The following ZNF236 variants were observed in gnomAD, a reference collection of about 807,000 sequenced individuals.
The protein encoded by ZNF236 is regulated by glucose.
A neutral mutation model predicts 191.2 loss-of-function variants in ZNF236; 50 were observed. The ratio of observed to expected loss-of-function variants is 0.26; its 90% confidence interval spans 0.21 to 0.33. The LOEUF is 0.33. ZNF236 is among the 10% of genes least tolerant of loss of function. The pLI, the probability that ZNF236 is intolerant of heterozygous loss-of-function variation, is 1.00. For synonymous variants in ZNF236, 907 were observed against 928.8 expected (o/e 0.98, Z 0.43); for missense variants, 1,754 against 2,374.5 (o/e 0.74, Z 5.43).
chr18:76,864,000 G>A (rs1599343694), intron 3 of ZNF236, among the ~76,000 whole-genome samples: 1 of 152,210 alleles, frequency 6.6e-6, no homozygotes, highest in Admixed American at 6.5e-5. Context: ...TCCATGATGT[G>A]GGTGAGCCTC....
chr18:76,888,060 A>G (rs1338085783), intron 9 of ZNF236: 3 of 84,276 alleles, frequency 3.6e-5, no homozygotes, highest in Admixed American at 2.9e-4. Flanking sequence ...AGTGTTCAGA[A>G]AAAAAAAAAA....
rs1967738123 is a variant in ZNF236, at chr18:76,927,527, A to G, written c.4414+10A>G. ...ACCACTAACAGCAGTGGTAAGAGCC[A>G]CTCACTTTTGCTTATTTTGACAGCT... On this transcript the variant is annotated intron_variant, in intron 24 of 30. Transcript: ENST00000320610. This position sits in a 1 kb window ranked among gnomAD's most constrained non-coding sequence, Gnocchi z 5.4. 1.9e-6 allele frequency: 3 copies of G among 1,601,086 alleles called. No homozygotes were observed. The highest frequency in any genetic ancestry group is 2.2e-5 in the South Asian group (2 of 89,438).
chr18:76,956,701 G>T (rs550752108), intron 28 of ZNF236, among the ~76,000 whole-genome samples: 1 of 152,348 alleles, frequency 6.6e-6, no homozygotes, highest in Admixed American at 6.5e-5. Flanking sequence ...CTGAGTGCCC[G>T]CATGTGGGAA....
At position 76,851,951 on chromosome 18, in the gene ZNF236, C is replaced by A; in HGVS notation, c.363+12C>A. On this transcript the variant is annotated intron_variant, in intron 3 of 30. Coordinates refer to ENST00000320610, the MANE Select transcript of ZNF236 (RefSeq NM_001306089.2). ...ATGAAAAGGAAGAGGTAATCATCAT[C>A]ATTTTGCATATACTTTGTTAACTGA... The A allele has an allele frequency of 6.2e-7, 1 of 1,600,520 alleles. No individual in the cohort carries two copies.
In ZNF236 at chr18:76,910,678, C is replaced by T. The variant is rs199817061; in HGVS notation, c.2672C>T (p.Thr891Met). 867 of 1,614,074 alleles carry T rather than the reference C, an allele frequency of 5.4e-4. 4 individuals carry two copies. The highest frequency in any genetic ancestry group is 4.3e-4 in the Non-Finnish European group (503 of 1,179,988). Residue 891 changes from threonine (T) to methionine (M), a missense_variant, in exon 16 of 31, where the codon ACG (threonine) becomes ATG (methionine). By Grantham distance (81) the Thr-to-Met change is moderately conservative. Coordinates refer to ENST00000320610, the MANE Select transcript of ZNF236 (RefSeq NM_001306089.2). Reference sequence around the variant, plus strand: ...ATTTTAGGTTTTACAGTGACTGATACGTACCATCAGCAGCCTCAGTTTCCA... The same window carrying T: ...ATTTTAGGTTTTACAGTGACTGATATGTACCATCAGCAGCCTCAGTTTCCA... ...GLPQGFTVTD[T>M]YHQQPQFPPV...
At chr18:76,948,705 C>T (rs1000843098) in intron 27 of ZNF236, among the ~76,000 whole-genome samples, 1 of 152,168 alleles carries the variant, frequency 6.6e-6, no homozygotes, top group African/African-American at 2.4e-5. Flanking sequence ...CAAGTGTCGC[C>T]CACTTGGGAA....
In ZNF236 at chr18:76,972,157, C is replaced by T. The variant is rs371622032; in HGVS notation, c.*3818C>T. ...CTACACGCACCACCCAATTTAATGT[C>T]GTATCTGTACTTGGGGCCTCTACAC... On this transcript the variant is annotated 3_prime_UTR_variant, in exon 31 of 31. Transcript: ENST00000320610. Among the ~76,000 whole-genome samples the T allele has an allele frequency of 7.3e-4, 111 of 152,308 alleles. No homozygotes were observed. The highest frequency in any genetic ancestry group is 5.0e-3 in the South Asian group (24 of 4,822).
intron 25 of ZNF236, 22 bp from the exon 26 acceptor site, chr18:76,937,134 A>G (rs1474905144): frequency 1.2e-6 from 2 of 1,607,326 alleles, no homozygotes; most frequent in African/African-American, 2.7e-5. Flanking sequence ...CCATTGATCT[A>G]CTTACTTTGC....
Position 76,925,344 on chromosome 18 carries a change from C to A in ZNF236, c.3817C>A (p.Gln1273Lys), listed in dbSNP as rs529587409. 1.2e-6 allele frequency: 2 copies of A among 1,614,194 alleles called. No homozygotes were observed. Among genetic ancestry groups the A allele is most frequent in the African/African-American group, 1.3e-5 (1 of 75,042 alleles). Residue 1273 changes from glutamine (Q) to lysine (K), a missense_variant, in exon 22 of 31, where the codon CAG becomes AAG. Physicochemically the swap from Gln to Lys is moderately conservative, Grantham distance 53. This residue lies in a region of ZNF236 where 606 missense variants were observed against 761.5 expected (regional missense o/e 0.80). Coordinates refer to ENST00000320610, the MANE Select transcript of ZNF236 (RefSeq NM_001306089.2). This position sits in a 1 kb window ranked among gnomAD's most constrained non-coding sequence, Gnocchi z 5.7. ...CTCGGGTAGAAGAAAGACACACATG[C>A]AGTTTCATTATAAACCAGACCCAAA... is the stretch of plus-strand genomic sequence containing the variant. ...RTSGRRKTHM[Q>K]FHYKPDPKKA...
rs567704623 is a variant in ZNF236, at chr18:76,824,427, A to C, written c.55+1765A>C. On this transcript the variant is annotated intron_variant, in intron 1 of 30. Coordinates refer to ENST00000320610, the MANE Select transcript of ZNF236 (RefSeq NM_001306089.2). ...CCCAGGTATGCAGATTTGTAGTTGG[A>C]TAACAGCAGTGCTCAGAATTTTGAT... 4.4e-5 allele frequency: 34 copies of C among 781,076 alleles called. 1 individual carries two copies. The highest frequency in any genetic ancestry group is 3.2e-4 in the African/African-American group (19 of 59,272). 48.4% of individuals were successfully genotyped at this position (781,076 alleles called of 1,614,324 possible).
chr18:76,893,748 A>T (rs955950378), intron 9 of ZNF236, among the ~76,000 whole-genome samples: 2 of 152,252 alleles, frequency 1.3e-5, no homozygotes, highest in African/African-American at 4.8e-5. Context: ...ACTGAGCTCA[A>T]GCTATCTGTC....
Position 76,879,210 on chromosome 18 carries a change from A to G in ZNF236, c.985-903A>G, listed in dbSNP as rs562578415. 2.0e-5 allele frequency among the ~76,000 whole-genome samples: 3 copies of G among 152,316 alleles called. No individual in the cohort carries two copies. The East Asian group carries it at 5.8e-4, about 29-fold the overall frequency. Reference sequence around the variant, plus strand: ...ATAGTCCAGATCATTTTAAACATTTATATTCTCAATAAAAAGAAATGTAAT... The same window carrying G: ...ATAGTCCAGATCATTTTAAACATTTGTATTCTCAATAAAAAGAAATGTAAT... On this transcript the variant is annotated intron_variant, in intron 7 of 30. Transcript: ENST00000320610.
intron 28 of ZNF236, among the ~76,000 whole-genome samples, chr18:76,957,841 C>G (rs575696161): frequency 6.6e-6 from 1 of 152,174 alleles, no homozygotes; most frequent in Non-Finnish European, 1.5e-5. Flanking sequence ...GGAAGACAAC[C>G]TAGACAATAC....
At chr18:76,908,927 A>G (rs1308291528) in intron 14 of ZNF236, among the ~76,000 whole-genome samples, 2 of 151,664 alleles carry the variant, frequency 1.3e-5, no homozygotes, top group African/African-American at 2.4e-5. Flanking sequence ...ATTTTTTTCC[A>G]TACAAATATG....
chr18:76,944,123 G>T (rs547072246), intron 26 of ZNF236, among the ~76,000 whole-genome samples: 1 of 152,162 alleles, frequency 6.6e-6, no homozygotes, highest in South Asian at 2.1e-4. Flanking sequence ...AGTTAATTCA[G>T]TAGTCATGGG....
Position 76,849,537 on chromosome 18 carries a change from A to G in ZNF236, c.67A>G (p.Thr23Ala), listed in dbSNP as rs1975795312. 1.2e-6 allele frequency: 2 copies of G among 1,608,524 alleles called. No homozygotes were observed. The highest frequency in any genetic ancestry group is 8.5e-7 in the Non-Finnish European group (1 of 1,178,410). ...ATGCAATTTTATAGATGGAGTTTTAACATTGAATGCGGAGAACACTAATTA... is the reference window on the plus strand; with the variant it reads ...ATGCAATTTTATAGATGGAGTTTTAGCATTGAATGCGGAGAACACTAATTA... ...KARGDSDGVLTLNAENTNYAY... is the reference protein window; with the variant it reads ...KARGDSDGVLALNAENTNYAY... The change falls in exon 2 of 31, where the codon ACA (threonine) becomes GCA (alanine). Residue 23 changes from threonine (T) to alanine (A), a missense_variant. Physicochemically the swap from Thr to Ala is moderately conservative, Grantham distance 58. Coordinates refer to ENST00000320610, the MANE Select transcript of ZNF236 (RefSeq NM_001306089.2).
intron 14 of ZNF236, 73 bp downstream of exon 14, chr18:76,908,646 C>T: frequency 6.6e-7 from 1 of 1,523,868 alleles, no homozygotes; most frequent in Non-Finnish European, 8.8e-7. Context: ...CATTGCAGTC[C>T]ATTGGTGTCT....
In ZNF236 at chr18:76,904,538, A is replaced by G. The variant is rs759980809; in HGVS notation, c.2036+17A>G. ...ACACATCAGGTAAGGTAACGGATTC[A>G]CAGATGGAAATTTAGTATAATTAAA... On this transcript the variant is annotated intron_variant, in intron 12 of 30. Coordinates refer to ENST00000320610, the MANE Select transcript of ZNF236 (RefSeq NM_001306089.2). 16 of 1,560,470 alleles carry G rather than the reference A, an allele frequency of 1.0e-5. No individual in the cohort carries two copies. In the Admixed American group the frequency reaches 2.6e-4, roughly 25 times the overall value.
intron 3 of ZNF236, among the ~76,000 whole-genome samples, chr18:76,859,194 G>A (rs1228949463): frequency 7.1e-5 from 7 of 97,954 alleles, no homozygotes; most frequent in Non-Finnish European, 1.5e-4. Flanking sequence ...AAGGGGGAGA[G>A]GGCTCAGCTG....
Sources: gnomAD v4.1 joint callset for allele counts (sites outside exome capture counted in the v4.1 genomes callset) on GRCh38, gnomAD v4.1.1 for gene constraint, gnomAD v4.1.1 regional missense constraint, Gnocchi (gnomAD v3.1) non-coding constraint, MANE v1.5 for transcripts, NCBI Gene and HGNC (gene_info 2026-07-23, HGNC 2026-07-21) for gene names.